Variants in ATP6V1H observed in about 807,000 individuals in gnomAD.
ATP6V1H encodes the protein V-type proton ATPase subunit H.
In ATP6V1H, 39 loss-of-function variants were observed where a neutral mutation model predicts 71.7. The observed-to-expected ratio is 0.54, with a 90% CI of 0.42 to 0.71. The LOEUF is 0.71. Ranked by LOEUF, ATP6V1H falls within the 30% of genes least tolerant of loss-of-function variation. The pLI, the probability that ATP6V1H is intolerant of heterozygous loss-of-function variation, is 0.00. For missense variants in ATP6V1H, 509 were observed against 594.9 expected, an observed-to-expected ratio of 0.86 and a Z score of 1.50; for synonymous variants, 192 against 199.3, an observed-to-expected ratio of 0.96 and a Z score of 0.31.
intron 8 of ATP6V1H, 47 bp downstream of exon 8, chr8:53,801,752 G>A (rs1809916303): frequency 7.0e-7 from 1 of 1,423,894 alleles, no homozygotes; most frequent in South Asian, 1.2e-5. Context: ...ATGTCAAGGA[G>A]AGATGCTTGT....
chr8:53,778,542 G>A (rs1239964775), intron 9 of ATP6V1H, among the ~76,000 whole-genome samples: 2 of 152,114 alleles, frequency 1.3e-5, no homozygotes, highest in African/African-American at 4.8e-5. Flanking sequence ...CCATAGAAAA[G>A]AATGAAATCC....
At chr8:53,819,045 A>G (rs1023264815) in intron 4 of ATP6V1H, among the ~76,000 whole-genome samples, 4 of 151,580 alleles carry the variant, frequency 2.6e-5, no homozygotes, top group African/African-American at 9.7e-5. Context: ...ATCTCTACAA[A>G]AAAATAAAAA....
intron 11 of ATP6V1H, among the ~76,000 whole-genome samples, chr8:53,764,117 C>T (rs1808368642): frequency 6.6e-6 from 1 of 152,138 alleles, no homozygotes; most frequent in Non-Finnish European, 1.5e-5. Flanking sequence ...GTAAACAATA[C>T]CAATTCTCTA....
chr8:53,782,426 T>C (rs1483597539), intron 9 of ATP6V1H, among the ~76,000 whole-genome samples: 1 of 152,000 alleles, frequency 6.6e-6, no homozygotes, highest in Non-Finnish European at 1.5e-5. Context: ...GCTTATCAGC[T>C]TAAGGAGATT....
chr8:53,755,718 A>T (rs1563451099), intron 12 of ATP6V1H, among the ~76,000 whole-genome samples: 7 of 5,046 alleles, frequency 1.4e-3, no homozygotes, highest in East Asian at 7.9e-3. Flanking sequence ...ATATATATAT[A>T]TATATATATA....
chr8:53,814,966 A>C (rs1810398457), intron 5 of ATP6V1H, among the ~76,000 whole-genome samples, 200 bp from the exon 6 acceptor site: 1 of 152,212 alleles, frequency 6.6e-6, no homozygotes, highest in African/African-American at 2.4e-5. Flanking sequence ...TTTCCATCAA[A>C]GTGAACCCAA....
In ATP6V1H at chr8:53,728,625, C is replaced by T. The variant is rs577766507; in HGVS notation, c.1392-12601G>A. 1.4e-3 allele frequency among the ~76,000 whole-genome samples: 212 copies of T among 152,296 alleles called. 1 individual carries two copies. The highest frequency in any genetic ancestry group is 4.9e-3 in the African/African-American group (203 of 41,558). On this transcript the variant is annotated intron_variant, in intron 13 of 13. Transcript: ENST00000359530. ...TCCCCTGCTTTGTCCCTTCTGGCAA[C>T]GCCATCCACTCGACGGCATTTGTTA... is the stretch of plus-strand genomic sequence containing the variant.
chr8:53,809,535 G>A (rs552736400), intron 7 of ATP6V1H, among the ~76,000 whole-genome samples: 1 of 152,250 alleles, frequency 6.6e-6, no homozygotes, highest in South Asian at 2.1e-4. Context: ...ATTCCATTTG[G>A]GATGTATATG....
chr8:53,826,364 G>A (rs1810821871), intron 4 of ATP6V1H, among the ~76,000 whole-genome samples: 1 of 152,136 alleles, frequency 6.6e-6, no homozygotes, highest in Non-Finnish European at 1.5e-5. Context: ...TTTGCTTCAT[G>A]ATTTCTAATT....
intron 13 of ATP6V1H, among the ~76,000 whole-genome samples, chr8:53,722,869 A>G (rs1307012080): frequency 6.6e-6 from 1 of 152,256 alleles, no homozygotes; most frequent in Non-Finnish European, 1.5e-5. Flanking sequence ...TGCGTATAAC[A>G]TAAGAAAGCT....
chr8:53,784,287 A>G (rs1809286689), intron 9 of ATP6V1H, among the ~76,000 whole-genome samples: 2 of 152,166 alleles, frequency 1.3e-5, no homozygotes, highest in African/African-American at 4.8e-5. Flanking sequence ...TCCCTTTACC[A>G]TTATGTAATG....
intron 9 of ATP6V1H, among the ~76,000 whole-genome samples, chr8:53,773,039 T>C (rs1168545672): frequency 6.6e-6 from 1 of 152,132 alleles, no homozygotes; most frequent in Non-Finnish European, 1.5e-5. Context: ...TTTAGCTTAG[T>C]ATGTGGAAGT....
intron 9 of ATP6V1H, among the ~76,000 whole-genome samples, chr8:53,775,312 T>C (rs984203906): frequency 6.6e-6 from 1 of 152,120 alleles, no homozygotes; most frequent in African/African-American, 2.4e-5. Context: ...GTAGCAAGAT[T>C]TATTGCAAAG....
chr8:53,737,323 GTAAT>G (rs528205867), intron 13 of ATP6V1H, among the ~76,000 whole-genome samples: 44 of 152,272 alleles, frequency 2.9e-4, no homozygotes, highest in South Asian at 2.5e-3. Flanking sequence ...ATTCCTGTCT[GTAAT>G]TAGAGACAAT....
At chr8:53,809,893 T>G (rs1810217408) in intron 7 of ATP6V1H, among the ~76,000 whole-genome samples, 1 of 152,160 alleles carries the variant, frequency 6.6e-6, no homozygotes, top group Non-Finnish European at 1.5e-5. Context: ...GGATCGCGTA[T>G]CTAGTTCTAT....
chr8:53,798,162 A>C (rs1809801296), intron 8 of ATP6V1H, among the ~76,000 whole-genome samples: 1 of 152,192 alleles, frequency 6.6e-6, no homozygotes, highest in Non-Finnish European at 1.5e-5. Context: ...TTATGTATAT[A>C]ATAGGCTTTT....
intron 12 of ATP6V1H, among the ~76,000 whole-genome samples, chr8:53,744,828 G>A (rs1807544844): frequency 1.3e-5 from 2 of 152,102 alleles, no homozygotes; most frequent in South Asian, 4.1e-4. Flanking sequence ...TATCAGCTCA[G>A]CCATTTATCA....
intron 6 of ATP6V1H, among the ~76,000 whole-genome samples, chr8:53,812,959 T>C (rs563448824): frequency 6.6e-6 from 1 of 152,186 alleles, no homozygotes; most frequent in South Asian, 2.1e-4. Context: ...CCTCCCAAAG[T>C]GCTAGGATTA....
intron 13 of ATP6V1H, among the ~76,000 whole-genome samples, chr8:53,726,185 C>T (rs1273932766): frequency 2.0e-5 from 3 of 152,154 alleles, no homozygotes; most frequent in Admixed American, 6.5e-5. Flanking sequence ...ATAGACATCC[C>T]TTAACATCTA....
Sources: gnomAD v4.1 joint callset for allele counts (sites outside exome capture counted in the v4.1 genomes callset) on GRCh38, gnomAD v4.1.1 for gene constraint, MANE v1.5 for transcripts, NCBI Gene and HGNC (gene_info 2026-07-23, HGNC 2026-07-21) for gene names.